The following GLIS3 variants were observed in gnomAD, a reference collection of about 807,000 sequenced individuals.
GLIS3 encodes the protein GLIS family zinc finger 3, also known as zinc finger protein GLIS3.
GLIS3 carries 53 observed loss-of-function variants against 78.6 expected under a neutral mutation model. The observed-to-expected ratio is 0.67, with a 90% CI of 0.54 to 0.85. The LOEUF is 0.85. Ranked by LOEUF, GLIS3 falls within the 40% of genes least tolerant of loss-of-function variation. The probability of loss-of-function intolerance (pLI) is 0.00; values close to 1 mark genes in which losing one functional copy is unlikely to be tolerated. For missense variants in GLIS3, 1,703 were observed against 1,231.1 expected (o/e 1.38, Z -5.74); for synonymous variants, 684 against 509.9 (o/e 1.34, Z -4.60).
At chr9:4,430,506 A>T in the GLIS3 span, among the ~76,000 whole-genome samples, 1 of 152,246 alleles carries the variant, frequency 6.6e-6, no homozygotes, top group Non-Finnish European at 1.5e-5. Flanking sequence ...CCTCATAAAT[A>T]ATCTTAGCAA....
intron 4 of GLIS3, among the ~76,000 whole-genome samples, chr9:3,994,577 C>T (rs1820592334): frequency 1.3e-5 from 2 of 152,130 alleles, no homozygotes; most frequent in South Asian, 4.1e-4. Context: ...TTTTGCATAA[C>T]TTGCCTGTAT....
At chr9:4,485,757 GT>G in the GLIS3 span, among the ~76,000 whole-genome samples, 6 of 142,110 alleles carry the variant, frequency 4.2e-5, no homozygotes, top group African/African-American at 1.6e-4. Context: ...GTTCGCTCTT[GT>G]TGCCCAGGCT....
chr9:4,248,802 C>G (rs564151643), intron 2 of GLIS3, among the ~76,000 whole-genome samples: 2 of 152,196 alleles, frequency 1.3e-5, no homozygotes, highest in Non-Finnish European at 2.9e-5. Context: ...GAGATGGTAT[C>G]TCACTGTGGT....
intron 4 of GLIS3, among the ~76,000 whole-genome samples, chr9:4,058,797 A>G (rs12349670): frequency 0.062 from 9,465 of 152,044 alleles, 690 homozygotes; most frequent in East Asian, 0.25. Context: ...TGGCTAACAC[A>G]GTGAAACCCC....
chr9:3,832,777 T>A (rs970021907), intron 9 of GLIS3, among the ~76,000 whole-genome samples: 1 of 152,198 alleles, frequency 6.6e-6, no homozygotes, highest in Non-Finnish European at 1.5e-5. Context: ...CTCCTCATAT[T>A]TGTCACCCAT....
the GLIS3 span, among the ~76,000 whole-genome samples, chr9:4,441,884 C>T: frequency 5.3e-5 from 8 of 152,250 alleles, no homozygotes; most frequent in South Asian, 8.3e-4. Flanking sequence ...GCATTACAGG[C>T]GTGAGCCACC....
intron 2 of GLIS3, among the ~76,000 whole-genome samples, chr9:4,243,344 G>A (rs1022311012): frequency 1.3e-5 from 2 of 152,086 alleles, no homozygotes; most frequent in African/African-American, 4.8e-5. Flanking sequence ...TGGTAGTCAG[G>A]TGATCCCAGT....
intron 2 of GLIS3, among the ~76,000 whole-genome samples, chr9:4,279,373 T>C (rs1827343037): frequency 7.3e-6 from 1 of 136,986 alleles, no homozygotes; most frequent in African/African-American, 2.7e-5. Context: ...ATAATACATA[T>C]TATATATATT....
At chr9:4,274,558 G>A (rs548719521) in intron 2 of GLIS3, among the ~76,000 whole-genome samples, 3 of 152,326 alleles carry the variant, frequency 2.0e-5, no homozygotes, top group South Asian at 2.1e-4. Flanking sequence ...TTGGGTGGAA[G>A]TGGAAGAGTC....
intron 2 of GLIS3, among the ~76,000 whole-genome samples, chr9:4,346,034 AAAAT>A (rs1817893533): frequency 6.6e-6 from 1 of 152,220 alleles, no homozygotes; most frequent in African/African-American, 2.4e-5. Context: ...TAGGAGACAA[AAAAT>A]AAATACAGAC....
chr9:3,855,505 A>G, intron 9 of GLIS3: 1 of 188,140 alleles, frequency 5.3e-6, no homozygotes, highest in Admixed American at 5.3e-5. Flanking sequence ...ATACTACCAG[A>G]GAAAGACAGG....
chr9:3,994,286 C>A (rs1820567047), intron 4 of GLIS3, among the ~76,000 whole-genome samples: 1 of 152,224 alleles, frequency 6.6e-6, no homozygotes, highest in African/African-American at 2.4e-5. Flanking sequence ...AAAGCCACTT[C>A]AATTGCCATT....
intron 2 of GLIS3, chr9:4,347,002 T>C (rs1376801640): frequency 6.6e-6 from 1 of 152,118 alleles, no homozygotes; most frequent in Non-Finnish European, 1.5e-5. Context: ...AATAGCTGTG[T>C]CTTAGTCCAT....
At chr9:3,843,017 T>C (rs10973755) in intron 9 of GLIS3, among the ~76,000 whole-genome samples, 34,221 of 152,050 alleles carry the variant, frequency 0.23, 4,259 homozygotes, top group East Asian at 0.56. Flanking sequence ...CCAGATGACT[T>C]GCCTGGCTCT....
the GLIS3 span, among the ~76,000 whole-genome samples, chr9:4,419,516 G>C: frequency 2.6e-5 from 4 of 152,148 alleles, no homozygotes; most frequent in Non-Finnish European, 5.9e-5. Flanking sequence ...CTGGCCAGGT[G>C]CGGTGGCTCA....
chr9:4,426,566 G>T, the GLIS3 span, among the ~76,000 whole-genome samples: 10 of 152,184 alleles, frequency 6.6e-5, no homozygotes, highest in Admixed American at 6.5e-4. Flanking sequence ...TCTCTATAGA[G>T]CTTTTCCTGA....
At chr9:4,173,697 A>G (rs1434978081) in intron 2 of GLIS3, among the ~76,000 whole-genome samples, 1 of 152,050 alleles carries the variant, frequency 6.6e-6, no homozygotes, top group Non-Finnish European at 1.5e-5. Flanking sequence ...CCTGGGATCA[A>G]AAGATCCTCC....
intron 2 of GLIS3, chr9:4,152,064 C>G: frequency 4.6e-6 from 4 of 861,834 alleles, no homozygotes; most frequent in Non-Finnish European, 5.6e-6. Context: ...TCTCATATCT[C>G]ACCTAGACAA....
chr9:4,068,757 G>A (rs879501772), intron 4 of GLIS3, among the ~76,000 whole-genome samples: 13 of 151,900 alleles, frequency 8.6e-5, no homozygotes, highest in Non-Finnish European at 1.3e-4. Flanking sequence ...TCGAAAAAGA[G>A]CACTGTCAAG....
Sources: gnomAD v4.1 joint callset for allele counts (sites outside exome capture counted in the v4.1 genomes callset) on GRCh38, gnomAD v4.1.1 for gene constraint, MANE v1.5 for transcripts, NCBI Gene and HGNC (gene_info 2026-07-23, HGNC 2026-07-21) for gene names.